Variants in PALLD observed in about 807,000 individuals in gnomAD.
The protein encoded by PALLD is palladin, cytoskeletal associated protein, also known as palladin.
A neutral mutation model predicts 123.5 loss-of-function variants in PALLD; 61 were observed. That is an observed-to-expected ratio of 0.49 (90% CI 0.40 to 0.61). The LOEUF (loss-of-function observed/expected upper bound fraction) is 0.61. Ranked by LOEUF, PALLD falls within the 20% of genes least tolerant of loss-of-function variation. The pLI is 0.00. For synonymous variants in PALLD, 465 were observed against 496.4 expected (o/e 0.94, Z 0.84); for missense variants, 1,273 against 1,377.0 (o/e 0.92, Z 1.20).
rs77027604 is a variant in PALLD, at chr4:168,619,480, A to T, written c.909-48710A>T. 5.6e-3 allele frequency among the ~76,000 whole-genome samples: 857 copies of T among 152,360 alleles called. 4 individuals are homozygous for T. Among genetic ancestry groups the T allele is most frequent in the Non-Finnish European group, 0.01 (698 of 68,038 alleles). On this transcript the variant is annotated intron_variant, in intron 2 of 21. Transcript: ENST00000505667. ...CTGAGCTAATCCAACCTGCACATGA[A>T]GATGATGTCACTGCTGTTGTAGGGA... is the stretch of plus-strand genomic sequence containing the variant.
intron 10 of PALLD, among the ~76,000 whole-genome samples, chr4:168,884,870 C>G (rs1165409819): frequency 6.6e-6 from 1 of 152,210 alleles, no homozygotes; most frequent in Non-Finnish European, 1.5e-5. Context: ...ACTCTTACTA[C>G]ACCAGGCGCT....
chr4:168,509,080 A>AG (rs1251705493), intron 1 of PALLD, among the ~76,000 whole-genome samples: 1 of 152,192 alleles, frequency 6.6e-6, no homozygotes, highest in East Asian at 1.9e-4. Flanking sequence ...CTAATTCCAC[A>AG]GGGGTCTATG....
intron 16 of PALLD, among the ~76,000 whole-genome samples, chr4:168,914,978 A>G (rs1333262172): frequency 3.3e-5 from 5 of 152,230 alleles, no homozygotes; most frequent in Non-Finnish European, 4.4e-5. Context: ...GGGTATAAAC[A>G]TAGCATATAC....
chr4:168,551,652 A>AT (rs936094528), intron 2 of PALLD, among the ~76,000 whole-genome samples: 62 of 151,190 alleles, frequency 4.1e-4, no homozygotes, highest in Admixed American at 1.4e-3. Flanking sequence ...ATGATGTTTC[A>AT]TTTTTTTTTA....
At chr4:168,835,992 A>G (rs1216895257) in intron 10 of PALLD, among the ~76,000 whole-genome samples, 2 of 152,198 alleles carry the variant, frequency 1.3e-5, no homozygotes, top group Admixed American at 6.5e-5. Flanking sequence ...GGCAGGTACA[A>G]TTCTCTGCCT....
At chr4:168,559,146 G>A (rs953895127) in intron 2 of PALLD, among the ~76,000 whole-genome samples, 2 of 152,238 alleles carry the variant, frequency 1.3e-5, no homozygotes, top group African/African-American at 2.4e-5. Context: ...AGTGTAAATG[G>A]AACTCTGGAT....
At chr4:168,631,548 T>A in intron 2 of PALLD, 1 of 909,792 alleles carries the variant, frequency 1.1e-6, no homozygotes, top group Non-Finnish European at 1.3e-6. Flanking sequence ...ACACACCCTC[T>A]CCCCCTCCCC....
chr4:168,799,852 T>C (rs374699295), intron 10 of PALLD, among the ~76,000 whole-genome samples: 3 of 152,220 alleles, frequency 2.0e-5, no homozygotes, highest in African/African-American at 7.2e-5. Flanking sequence ...ACTATAACTA[T>C]TTCCTATGTA....
At position 168,757,419 on chromosome 4, in the gene PALLD, G is replaced by C. The variant is rs536329103; in HGVS notation, c.1964+45496G>C. ...ATGGTGTCATTACTGACTAGGGAGGGTGCTAGCATCATTTGTATCCAATGC... is the reference window on the plus strand; with the variant it reads ...ATGGTGTCATTACTGACTAGGGAGGCTGCTAGCATCATTTGTATCCAATGC... On this transcript the variant is annotated intron_variant, in intron 10 of 21. Transcript: ENST00000505667. Among the ~76,000 whole-genome samples, 6 of 152,304 alleles carry C rather than the reference G, an allele frequency of 3.9e-5. No homozygotes were observed. The East Asian group carries it at 1.2e-3, about 29-fold the overall frequency.
rs531536792 is a variant in PALLD, at chr4:168,516,391, A to G, written c.908+3979A>G. 3.3e-5 allele frequency among the ~76,000 whole-genome samples: 5 copies of G among 152,272 alleles called. No homozygotes were observed. The East Asian group carries it at 9.6e-4, about 29-fold the overall frequency. On this transcript the variant is annotated intron_variant, in intron 2 of 21. Coordinates refer to ENST00000505667, the MANE Select transcript of PALLD (RefSeq NM_001166108.2). ...CTCTTGACTTTGTGAGTTAGTAAAA[A>G]ATTTGTGAAGAATTTTAGTTCAAAA...
chr4:168,603,005 C>T (rs955483116), intron 2 of PALLD, among the ~76,000 whole-genome samples: 4 of 152,120 alleles, frequency 2.6e-5, no homozygotes, highest in East Asian at 1.9e-4. Context: ...TGAGCTCAAG[C>T]GAGCCTCCCA....
At chr4:168,528,118 T>C (rs1764249801) in intron 2 of PALLD, among the ~76,000 whole-genome samples, 1 of 152,194 alleles carries the variant, frequency 6.6e-6, no homozygotes, top group Non-Finnish European at 1.5e-5. Context: ...GTGTGCCCTC[T>C]CTTTCTAGCT....
Position 168,807,981 on chromosome 4 carries a change from C to T in PALLD, c.1965-82941C>T, listed in dbSNP as rs567529176. ...TCAGCTTCCCAATGTGCTGGGATTA[C>T]AGGTGTGAGCCACTGTGCCTGGCCC... On this transcript the variant is annotated intron_variant, in intron 10 of 21. Transcript: ENST00000505667. Among the ~76,000 whole-genome samples the T allele has an allele frequency of 9.1e-5, 13 of 143,274 alleles. 1 individual carries two copies. Among genetic ancestry groups the T allele is most frequent in the African/African-American group, 2.8e-4 (11 of 38,990 alleles). 94.0% of individuals were successfully genotyped at this position (143,274 alleles called of 152,430 possible). A position where few individuals can be genotyped will look rare whatever the true frequency, so the allele number is the denominator to read the frequency against.
intron 10 of PALLD, among the ~76,000 whole-genome samples, chr4:168,743,040 G>T (rs768769598): frequency 6.6e-5 from 10 of 152,102 alleles, no homozygotes; most frequent in Non-Finnish European, 1.3e-4. Flanking sequence ...CCTTCCAGGA[G>T]CTATAGACTA....
intron 3 of PALLD, among the ~76,000 whole-genome samples, chr4:168,672,897 A>G (rs1780439134): frequency 2.0e-5 from 3 of 152,208 alleles, no homozygotes; most frequent in South Asian, 4.1e-4. Flanking sequence ...ATATACACAC[A>G]GCACACACAC....
intron 15 of PALLD, among the ~76,000 whole-genome samples, chr4:168,905,277 A>G (rs1482299265): frequency 2.0e-5 from 3 of 146,342 alleles, no homozygotes; most frequent in African/African-American, 7.6e-5. Flanking sequence ...CAGCCTCCCT[A>G]GTAGCTGGGA....
intron 2 of PALLD, among the ~76,000 whole-genome samples, chr4:168,569,803 T>C (rs1403152410): frequency 9.9e-5 from 15 of 152,144 alleles, no homozygotes; most frequent in Non-Finnish European, 1.5e-5. Flanking sequence ...TTTGTATAAA[T>C]TGACCACACC....
intron 12 of PALLD, among the ~76,000 whole-genome samples, chr4:168,895,386 C>T (rs1754896358): frequency 6.6e-6 from 1 of 152,090 alleles, no homozygotes; most frequent in Admixed American, 6.5e-5. Flanking sequence ...GTCTCCAAAA[C>T]AAAACAAAAC....
chr4:168,606,502 G>A (rs569133552), intron 2 of PALLD, among the ~76,000 whole-genome samples: 13 of 151,854 alleles, frequency 8.6e-5, no homozygotes, highest in South Asian at 2.1e-4. Context: ...GTGAAACCCC[G>A]TCTCTACTAA....
Sources: gnomAD v4.1 joint callset for allele counts (sites outside exome capture counted in the v4.1 genomes callset) on GRCh38, gnomAD v4.1.1 for gene constraint, MANE v1.5 for transcripts, NCBI Gene and HGNC (gene_info 2026-07-23, HGNC 2026-07-21) for gene names.